AGPS: variants seen among roughly 807,000 people sequenced by gnomAD.
AGPS encodes alkylglycerone phosphate synthase.
A neutral mutation model predicts 90.7 loss-of-function variants in AGPS; 26 were observed. The ratio of observed to expected loss-of-function variants is 0.29; its 90% CI spans 0.21 to 0.40. The LOEUF is 0.40. Ranked by LOEUF, AGPS falls within the 10% of genes least tolerant of loss-of-function variation. The probability of loss-of-function intolerance (pLI) is 1.00; values close to 1 mark genes in which losing one functional copy is unlikely to be tolerated. For missense variants in AGPS, 540 were observed against 816.1 expected (o/e 0.66, Z 4.12); for synonymous variants, 294 against 285.3 (o/e 1.03, Z -0.31).
intron 8 of AGPS, 46 bp downstream of exon 8, chr2:177,445,672 T>C: frequency 7.7e-7 from 1 of 1,295,320 alleles, no homozygotes; most frequent in Non-Finnish European, 1.1e-6. Context: ...CTTATTCTAA[T>C]ATCAATTCTG....
intron 9 of AGPS, among the ~76,000 whole-genome samples, chr2:177,464,730 G>A (rs1185523379): frequency 2.0e-5 from 3 of 152,218 alleles, no homozygotes; most frequent in Non-Finnish European, 4.4e-5. Context: ...GTGTTACAGA[G>A]CTGAAGCTCA....
At chr2:177,535,534 A>G (rs1471056477) in intron 19 of AGPS, among the ~76,000 whole-genome samples, 1 of 152,094 alleles carries the variant, frequency 6.6e-6, no homozygotes, top group Non-Finnish European at 1.5e-5. Flanking sequence ...TTGTACTTTG[A>G]AGTGTGTTTC....
At chr2:177,445,462 T>G in intron 7 of AGPS, 84 bp from the exon 8 acceptor site, 1 of 1,199,536 alleles carries the variant, frequency 8.3e-7, no homozygotes, top group Non-Finnish European at 1.2e-6. Context: ...TCTTACCACT[T>G]GTTGCTTTGA....
In AGPS at chr2:177,513,976, A is replaced by T. The variant is rs563782226; in HGVS notation, c.1697+68A>T. ...AATGTTTTTTTTAATCAAGGGGGGG[A>T]ATATAATTTTCCAGCTGAGAAAAAG... On this transcript the variant is annotated intron_variant, in intron 17 of 19. Coordinates refer to ENST00000264167, the MANE Select transcript of AGPS (RefSeq NM_003659.4). 5 of 1,197,946 alleles carry T rather than the reference A, an allele frequency of 4.2e-6. No homozygotes were observed. In the African/African-American group the frequency reaches 7.6e-5, roughly 18 times the overall value. The allele number at this position is 1,197,946 out of a possible 1,614,324, so 74.2% of individuals were successfully genotyped here. A position where few individuals can be genotyped will look rare whatever the true frequency, so the allele number is the denominator to read the frequency against.
rs763133661 is a variant in AGPS, at chr2:177,508,049, G to C, written c.1607+18G>C. On this transcript the variant is annotated intron_variant, in intron 16 of 19. Coordinates refer to ENST00000264167, the MANE Select transcript of AGPS (RefSeq NM_003659.4). ...TGGGACAGGTAAAATATACTAAAGT[G>C]CCTGATATTATTCAAATATGCGATA... 1.3e-6 allele frequency: 2 copies of C among 1,574,052 alleles called. No homozygotes were observed. Among genetic ancestry groups the C allele is most frequent in the South Asian group, 1.1e-5 (1 of 90,184 alleles).
chr2:177,464,694 A>G (rs1398781845), intron 9 of AGPS, among the ~76,000 whole-genome samples: 1 of 152,212 alleles, frequency 6.6e-6, no homozygotes, highest in Non-Finnish European at 1.5e-5. Context: ...TTTCCTGAGC[A>G]TATCTGATTA....
chr2:177,467,416 A>G (rs1687486621), intron 9 of AGPS, among the ~76,000 whole-genome samples: 1 of 152,176 alleles, frequency 6.6e-6, no homozygotes, highest in Admixed American at 6.5e-5. Context: ...TTTCTTTGGT[A>G]TATACATCTT....
intron 10 of AGPS, among the ~76,000 whole-genome samples, chr2:177,477,342 A>G (rs1367084549): frequency 6.6e-6 from 1 of 152,134 alleles, no homozygotes; most frequent in African/African-American, 2.4e-5. Flanking sequence ...TATAAATGTT[A>G]CAAACCAACA....
At chr2:177,419,998 T>C (rs1413147135) in intron 1 of AGPS, among the ~76,000 whole-genome samples, 1 of 151,876 alleles carries the variant, frequency 6.6e-6, no homozygotes, top group Non-Finnish European at 1.5e-5. Flanking sequence ...GCATATCTTC[T>C]TCCTTTTTGC....
chr2:177,460,679 T>G (rs931901075), intron 8 of AGPS, among the ~76,000 whole-genome samples: 1 of 152,192 alleles, frequency 6.6e-6, no homozygotes, highest in African/African-American at 2.4e-5. Flanking sequence ...AAATAATTCA[T>G]AGTATTTTGT....
chr2:177,521,290 A>G lies in AGPS; in HGVS notation c.1719A>G (p.Ala573=), dbSNP rs771009367. Residue 573 remains alanine (A), a synonymous_variant, in exon 18 of 20, where the codon GCA becomes GCG. Transcript: ENST00000264167. ...STCRVTQTYD[A]GACIYFYFAF... is the part of the protein sequence containing the mutation. ...TTAGGGTGACGCAGACTTACGATGC[A>G]GGTGCTTGTATCTACTTCTATTTTG... 3.1e-6 allele frequency: 5 copies of G among 1,614,144 alleles called. No homozygotes were observed. The African/African-American group carries it at 5.3e-5, about 17-fold the overall frequency.
chr2:177,461,251 G>A (rs1411137875), intron 8 of AGPS, among the ~76,000 whole-genome samples: 1 of 152,222 alleles, frequency 6.6e-6, no homozygotes, highest in African/African-American at 2.4e-5. Context: ...CAGGTGCTGT[G>A]CAGATGGCAA....
chr2:177,538,001 C>G lies in AGPS; in HGVS notation c.1856-73C>G. 16 of 1,568,110 alleles carry G rather than the reference C, an allele frequency of 1.0e-5. No individual in the cohort carries two copies. The South Asian group carries it at 1.7e-4, about 16-fold the overall frequency. ...GCATTTATCACACAGTGTTTGTTCA[C>G]TCATGGTCACAAGATTGATTGGTTC... On this transcript the variant is annotated intron_variant, in intron 19 of 19. Coordinates refer to ENST00000264167, the MANE Select transcript of AGPS (RefSeq NM_003659.4).
chr2:177,497,352 A>C (rs1305570110), intron 12 of AGPS, among the ~76,000 whole-genome samples: 1 of 151,916 alleles, frequency 6.6e-6, no homozygotes, highest in Admixed American at 6.6e-5. Flanking sequence ...ATAAAAATTA[A>C]TGAAGTAATT....
intron 10 of AGPS, among the ~76,000 whole-genome samples, chr2:177,469,367 G>A (rs532678005): frequency 1.1e-4 from 16 of 152,200 alleles, no homozygotes; most frequent in African/African-American, 3.9e-4. Context: ...AAGATGTTAG[G>A]CATAAATTCT....
At chr2:177,422,320 A>C (rs1270678431) in intron 2 of AGPS, among the ~76,000 whole-genome samples, 1 of 152,102 alleles carries the variant, frequency 6.6e-6, no homozygotes, top group Non-Finnish European at 1.5e-5. Context: ...TTCTTTGGAG[A>C]GCATACATTC....
At position 177,436,780 on chromosome 2, in the gene AGPS, GTGATACA is replaced by G. The variant is rs1686424580; in HGVS notation, c.459_465del (p.Asp154LeufsTer5). ...ATTTTCTAGGCATCCTTAAATCCTA[GTGATACA>G]CCTCCTTCTGTTGTAAATGAAGATT... On this transcript the variant is annotated frameshift_variant, in exon 4 of 20. Coordinates refer to ENST00000264167, the MANE Select transcript of AGPS (RefSeq NM_003659.4). LOFTEE classifies it high-confidence loss of function. 6.2e-7 allele frequency: 1 copy of G among 1,611,422 alleles called. No homozygotes were observed. Among genetic ancestry groups the G allele is most frequent in the African/African-American group, 1.3e-5 (1 of 74,852 alleles).
intron 10 of AGPS, among the ~76,000 whole-genome samples, chr2:177,471,481 AT>A (rs1226241077): frequency 6.6e-6 from 1 of 152,216 alleles, no homozygotes; most frequent in Admixed American, 6.5e-5. Context: ...GAAAAATGTA[AT>A]AAATATTCAA....
chr2:177,447,000 C>T (rs372151861), intron 8 of AGPS, among the ~76,000 whole-genome samples: 1 of 152,026 alleles, frequency 6.6e-6, no homozygotes, highest in African/African-American at 2.4e-5. Flanking sequence ...TAAATTGGTT[C>T]CTTCAACTTC....
Sources: gnomAD v4.1 joint callset for allele counts (sites outside exome capture counted in the v4.1 genomes callset) on GRCh38, gnomAD v4.1.1 for gene constraint, MANE v1.5 for transcripts, NCBI Gene and HGNC (gene_info 2026-07-23, HGNC 2026-07-21) for gene names.